The following HACD1 variants were observed in gnomAD, a reference collection of about 807,000 sequenced individuals.
HACD1 encodes 3-hydroxyacyl-CoA dehydratase 1.
A neutral mutation model predicts 32.0 loss-of-function variants in HACD1; 41 were observed. The ratio of observed to expected loss-of-function variants is 1.28; its 90% confidence interval spans 1.00 to 1.66. The LOEUF (loss-of-function observed/expected upper bound fraction) is 1.66, where lower values mean the gene tolerates loss of function less well. HACD1 is among the 40% of genes most tolerant of loss of function. The probability of loss-of-function intolerance (pLI) is 0.00; values close to 1 mark genes in which losing one functional copy is unlikely to be tolerated. For synonymous variants in HACD1, 142 were observed against 139.0 expected (o/e 1.02, Z -0.15); for missense variants, 396 against 380.1 (o/e 1.04, Z -0.35).
intron 1 of HACD1, among the ~76,000 whole-genome samples, chr10:17,605,735 C>A (rs1466689397): frequency 6.6e-6 from 1 of 151,908 alleles, no homozygotes; most frequent in African/African-American, 2.4e-5. Context: ...GGGTGGATCA[C>A]CTGAGGTCCG....
intron 6 of HACD1, among the ~76,000 whole-genome samples, 171 bp downstream of exon 6, chr10:17,594,034 C>A (rs1369978368): frequency 6.6e-6 from 1 of 152,142 alleles, no homozygotes; most frequent in Non-Finnish European, 1.5e-5. Flanking sequence ...CTGTCTTCTG[C>A]CTCTATCTCC....
intron 1 of HACD1, chr10:17,615,483 T>A (rs560353413): frequency 6.5e-6 from 1 of 155,018 alleles, no homozygotes; most frequent in South Asian, 1.8e-4. Context: ...TCAATCACCA[T>A]AGGTAAAGAT....
intron 1 of HACD1, among the ~76,000 whole-genome samples, chr10:17,608,583 T>C (rs1834181584): frequency 6.6e-6 from 1 of 151,960 alleles, no homozygotes; most frequent in South Asian, 2.1e-4. Flanking sequence ...ACCTCCCAGG[T>C]TCCAGTGATT....
rs554455363 is a variant in HACD1 at position 17,601,726 on chromosome 10, T to G, written c.483+1834A>C. On this transcript the variant is annotated intron_variant, in intron 4 of 6. Coordinates refer to ENST00000361271, the MANE Select transcript of HACD1 (RefSeq NM_014241.4). ...TTTTAAACTAGTAGGCAAAGTTAAT[T>G]AATAGTTTGCCTCTCCCATTGCATG... Among the ~76,000 whole-genome samples, 17 of 152,244 alleles carry G rather than the reference T, an allele frequency of 1.1e-4. No individual in the cohort carries two copies. The South Asian group carries it at 3.1e-3, about 28-fold the overall frequency.
chr10:17,610,999 C>CTTTTTTTTTTTT (rs71393021), intron 1 of HACD1, among the ~76,000 whole-genome samples: 21 of 103,016 alleles, frequency 2.0e-4, no homozygotes, highest in African/African-American at 6.9e-4. Context: ...AGGTCCTCTT[C>CTTTTTTTTTTTT]TTTTTTTTTT....
intron 1 of HACD1, among the ~76,000 whole-genome samples, chr10:17,605,157 GT>G (rs1221237450): frequency 6.6e-6 from 1 of 152,166 alleles, no homozygotes; most frequent in Non-Finnish European, 1.5e-5. Flanking sequence ...AAGATGAAAA[GT>G]TATGGAGACA....
chr10:17,609,551 A>T (rs1355137679), intron 1 of HACD1, among the ~76,000 whole-genome samples: 1 of 152,210 alleles, frequency 6.6e-6, no homozygotes, highest in Admixed American at 6.5e-5. Context: ...ACTAGGGAAA[A>T]CAAAATCAAA....
intron 4 of HACD1, among the ~76,000 whole-genome samples, chr10:17,600,289 T>G (rs536731312): frequency 1.3e-5 from 2 of 152,200 alleles, no homozygotes; most frequent in African/African-American, 4.8e-5. Context: ...CCCTCTCCTC[T>G]CACCCTGAGC....
At position 17,617,362 on chromosome 10, in the gene HACD1, C is replaced by T. The variant is rs1158441131; in HGVS notation, c.-23G>A. On this transcript the variant is annotated 5_prime_UTR_variant, in exon 1 of 7. Transcript: ENST00000361271. ...CATGTGCAGCGCGCAGGGGGCTCGG[C>T]GCAGCCAGCTCTACCGACCGCGAGG... 1.8e-5 allele frequency: 24 copies of T among 1,340,412 alleles called. No homozygotes were observed. In the Admixed American group the frequency reaches 4.4e-4, roughly 24 times the overall value. The allele number at this position is 1,340,412 out of a possible 1,614,324, so 83.0% of individuals were successfully genotyped here.
At chr10:17,612,105 C>CAAA (rs34058469) in intron 1 of HACD1, among the ~76,000 whole-genome samples, 6 of 105,078 alleles carry the variant, frequency 5.7e-5, no homozygotes, top group Admixed American at 1.0e-4. Context: ...AACTCCATCT[C>CAAA]AAAAAAAAAA....
At chr10:17,612,937 A>C (rs74877558) in intron 1 of HACD1, among the ~76,000 whole-genome samples, 5,128 of 151,764 alleles carry the variant, frequency 0.034, 112 homozygotes, top group Middle Eastern at 0.068. Context: ...AAAAAAACAA[A>C]AACAAAAACA....
chr10:17,610,377 A>T (rs1308103025), intron 1 of HACD1, among the ~76,000 whole-genome samples: 1 of 152,232 alleles, frequency 6.6e-6, no homozygotes. Flanking sequence ...GGCCAGGCGC[A>T]GTGGCTCACA....
intron 6 of HACD1, among the ~76,000 whole-genome samples, chr10:17,592,690 C>A (rs1190312264): frequency 6.6e-6 from 1 of 152,178 alleles, no homozygotes; most frequent in Non-Finnish European, 1.5e-5. Flanking sequence ...GTCAGACAGA[C>A]ACCGAAGCAA....
intron 5 of HACD1, among the ~76,000 whole-genome samples, chr10:17,597,242 G>C (rs1834006098): frequency 6.6e-6 from 1 of 152,166 alleles, no homozygotes. Flanking sequence ...CCACCTCCTA[G>C]TTCAAGCAAT....
Position 17,594,370 on chromosome 10 carries a change from T to C in HACD1, c.619A>G (p.Ile207Val). The change falls in exon 6 of 7, where the codon ATC becomes GTC. Residue 207 changes from isoleucine (I) to valine (V), a missense_variant. Physicochemically the swap from Ile to Val is conservative, Grantham distance 29. Transcript: ENST00000361271. The stretch of plus-strand genomic sequence containing the variant: ...GCAACTCCAACAGGATATAAGATGA[T>C]AAAAAAATTATATCTGGAGAAAGAA... ...FIKWARYNFF[I>V]ILYPVGVAGE... is the part of the protein sequence containing the mutation. The C allele has an allele frequency of 6.8e-7, 1 of 1,465,784 alleles. No homozygotes were observed. Among genetic ancestry groups the C allele is most frequent in the Non-Finnish European group, 9.1e-7 (1 of 1,102,894 alleles). The allele number at this position is 1,465,784 out of a possible 1,614,324, so 90.8% of individuals were successfully genotyped here.
In HACD1 at chr10:17,589,194, A is replaced by T. The variant is rs1833899659; in HGVS notation, c.*1170T>A. ...GGATTATCATAACAATTGTTACAAG[A>T]TAATTCTACAGTATAGAGAAGACTT... On this transcript the variant is annotated 3_prime_UTR_variant, in exon 7 of 7. Coordinates refer to ENST00000361271, the MANE Select transcript of HACD1 (RefSeq NM_014241.4). 1 of 152,338 alleles carries T rather than the reference A, an allele frequency of 6.6e-6. No individual in the cohort carries two copies. Among genetic ancestry groups the T allele is most frequent in the African/African-American group, 2.4e-5 (1 of 41,588 alleles). The allele number at this position is 152,338 out of a possible 1,614,324, so 9.4% of individuals were successfully genotyped here. A position where few individuals can be genotyped will look rare whatever the true frequency, so the allele number is the denominator to read the frequency against.
intron 6 of HACD1, among the ~76,000 whole-genome samples, chr10:17,593,190 G>A (rs1554815721): frequency 6.6e-6 from 1 of 152,070 alleles, no homozygotes; most frequent in African/African-American, 2.4e-5. Context: ...ACAAAAAAAA[G>A]TTGGAGACCT....
chr10:17,590,671 CTTAT>C (rs1246442968), intron 6 of HACD1, among the ~76,000 whole-genome samples: 1 of 152,002 alleles, frequency 6.6e-6, no homozygotes, highest in Non-Finnish European at 1.5e-5. Flanking sequence ...TTTACTTTTG[CTTAT>C]TTATTTTTTT....
chr10:17,589,625 T>C lies in HACD1; in HGVS notation c.*739A>G, dbSNP rs1833904918. ...ATTATAGTCAGATGTCATGTTTTTT[T>C]TTTAATAGTGGGGCAAATACTTATG... On this transcript the variant is annotated 3_prime_UTR_variant, in exon 7 of 7. Coordinates refer to ENST00000361271, the MANE Select transcript of HACD1 (RefSeq NM_014241.4). 1 of 152,138 alleles carries C rather than the reference T, an allele frequency of 6.6e-6. No individual in the cohort carries two copies. The highest frequency in any genetic ancestry group is 2.4e-5 in the African/African-American group (1 of 41,404). The allele number at this position is 152,138 out of a possible 1,614,324, so 9.4% of individuals were successfully genotyped here.
Sources: gnomAD v4.1 joint callset for allele counts (sites outside exome capture counted in the v4.1 genomes callset) on GRCh38, gnomAD v4.1.1 for gene constraint, MANE v1.5 for transcripts, NCBI Gene and HGNC (gene_info 2026-07-23, HGNC 2026-07-21) for gene names.